RBMS3: variants seen among roughly 807,000 people sequenced by gnomAD.
The protein encoded by RBMS3 is RNA binding motif single stranded interacting protein 3, also known as RNA-binding motif, single-stranded-interacting protein 3.
Under a neutral mutation model 66.8 loss-of-function variants are expected in RBMS3, and 27 were observed. The ratio of observed to expected loss-of-function variants is 0.40; its 90% CI spans 0.30 to 0.56. The LOEUF (loss-of-function observed/expected upper bound fraction) is 0.56. RBMS3 is among the 20% of genes least tolerant of loss of function. RBMS3 has a pLI of 0.40. For synonymous variants in RBMS3, 188 were observed against 183.0 expected (o/e 1.03, Z -0.22); for missense variants, 513 against 549.5 (o/e 0.93, Z 0.66).
At chr3:29,354,474 G>A (rs1234017418) in intron 1 of RBMS3, among the ~76,000 whole-genome samples, 1 of 152,030 alleles carries the variant, frequency 6.6e-6, no homozygotes, top group African/African-American at 2.4e-5. Context: ...CCATTTGCAT[G>A]CATACATACG....
chr3:29,435,003 C>T, intron 2 of RBMS3, 88 bp downstream of exon 2: 1 of 1,297,302 alleles, frequency 7.7e-7, no homozygotes, highest in Non-Finnish European at 1.1e-6. Context: ...ATGTACTCAT[C>T]CACTGGTGTC....
intron 1 of RBMS3, among the ~76,000 whole-genome samples, chr3:29,300,616 G>A (rs2125444988): frequency 6.6e-6 from 1 of 152,004 alleles, no homozygotes; most frequent in Non-Finnish European, 1.5e-5. Flanking sequence ...GTTTGTATCT[G>A]TATTTATTTG....
intron 1 of RBMS3, among the ~76,000 whole-genome samples, chr3:29,287,684 A>C (rs995314305): frequency 6.6e-6 from 1 of 152,038 alleles, no homozygotes; most frequent in Non-Finnish European, 1.5e-5. Flanking sequence ...GTGTTTTTGA[A>C]ATAATATTTG....
intron 3 of RBMS3, among the ~76,000 whole-genome samples, chr3:29,527,181 T>TAAAAA (rs538907247): frequency 6.8e-5 from 6 of 87,820 alleles, no homozygotes; most frequent in Non-Finnish European, 8.3e-5. Flanking sequence ...TTAGGTAGAG[T>TAAAAA]AAAAAAAAAA....
intron 4 of RBMS3, chr3:29,614,326 A>G (rs1161446389): frequency 1.3e-5 from 2 of 152,130 alleles, no homozygotes; most frequent in African/African-American, 4.8e-5. Context: ...GTGGACAGGA[A>G]TTAGAAAGGC....
At chr3:29,949,385 GT>G (rs2149712502) in intron 12 of RBMS3, among the ~76,000 whole-genome samples, 1 of 151,848 alleles carries the variant, frequency 6.6e-6, no homozygotes, top group Admixed American at 6.6e-5. Context: ...CACAAGCCAC[GT>G]GCAAATAAGT....
At chr3:29,583,625 T>C (rs75412999) in intron 3 of RBMS3, among the ~76,000 whole-genome samples, 6,795 of 152,166 alleles carry the variant, frequency 0.045, 214 homozygotes, top group Middle Eastern at 0.075. Context: ...AAGGGGAGGA[T>C]CCTTGTCTGG....
intron 4 of RBMS3, among the ~76,000 whole-genome samples, chr3:29,680,175 G>A (rs1388171176): frequency 6.6e-6 from 1 of 152,032 alleles, no homozygotes; most frequent in African/African-American, 2.4e-5. Flanking sequence ...TATCAGCCAC[G>A]GTTTGCCAAG....
chr3:29,493,393 T>G (rs554033810), intron 3 of RBMS3, among the ~76,000 whole-genome samples: 1 of 152,348 alleles, frequency 6.6e-6, no homozygotes, highest in South Asian at 2.1e-4. Flanking sequence ...TCAACTGCAC[T>G]GTGCCTTCTG....
chr3:29,450,983 G>C (rs1208371949), intron 2 of RBMS3, among the ~76,000 whole-genome samples: 1 of 151,724 alleles, frequency 6.6e-6, no homozygotes, highest in African/African-American at 2.4e-5. Flanking sequence ...TTTCATATTT[G>C]GGAGCTGTAA....
chr3:29,811,514 A>G (rs1405062402), intron 6 of RBMS3, among the ~76,000 whole-genome samples: 2 of 152,208 alleles, frequency 1.3e-5, no homozygotes, highest in African/African-American at 4.8e-5. Context: ...AAAGCCACAA[A>G]AAACCCTTGC....
chr3:29,993,092 T>C (rs987781717), intron 14 of RBMS3, among the ~76,000 whole-genome samples: 1 of 150,872 alleles, frequency 6.6e-6, no homozygotes, highest in Non-Finnish European at 1.5e-5. Context: ...GTTTTACAAA[T>C]TAAATTTGCT....
At chr3:29,617,946 G>A (rs2048725024) in intron 4 of RBMS3, among the ~76,000 whole-genome samples, 1 of 152,140 alleles carries the variant, frequency 6.6e-6, no homozygotes, top group Non-Finnish European at 1.5e-5. Context: ...ATGTATGTGT[G>A]TGTGTATATA....
chr3:29,520,123 T>G (rs1403787974), intron 3 of RBMS3, among the ~76,000 whole-genome samples: 1 of 152,168 alleles, frequency 6.6e-6, no homozygotes, highest in Non-Finnish European at 1.5e-5. Context: ...ATTCTAATGA[T>G]CTAGACATAG....
At chr3:29,362,064 C>T (rs574132577) in intron 1 of RBMS3, among the ~76,000 whole-genome samples, 18 of 152,322 alleles carry the variant, frequency 1.2e-4, no homozygotes, top group South Asian at 4.1e-4. Context: ...AGTCATTCTC[C>T]GTCCAGCTTT....
intron 12 of RBMS3, among the ~76,000 whole-genome samples, chr3:29,983,470 G>A (rs1354930729): frequency 1.3e-5 from 2 of 152,074 alleles, no homozygotes; most frequent in African/African-American, 4.8e-5. Flanking sequence ...ATGCTAGCTG[G>A]TTATTTTGCC....
intron 1 of RBMS3, among the ~76,000 whole-genome samples, chr3:29,355,156 T>C (rs1278858001): frequency 1.3e-5 from 2 of 152,112 alleles, no homozygotes; most frequent in African/African-American, 4.8e-5. Flanking sequence ...AGACTGCATG[T>C]TCTATGAATA....
chr3:29,417,215 T>G (rs935393554), intron 1 of RBMS3, among the ~76,000 whole-genome samples: 5 of 152,074 alleles, frequency 3.3e-5, no homozygotes. Flanking sequence ...GAAATTTCGT[T>G]TTTATTCTAA....
chr3:29,646,866 CT>C (rs2049943397), intron 4 of RBMS3, among the ~76,000 whole-genome samples: 2 of 152,134 alleles, frequency 1.3e-5, no homozygotes, highest in Admixed American at 6.5e-5. Flanking sequence ...GTGGAGGAGT[CT>C]TTGGGGGCAA....
Sources: allele counts gnomAD v4.1 joint callset (sites outside exome capture counted in the v4.1 genomes callset), GRCh38; gene constraint gnomAD v4.1.1; transcripts MANE v1.5; gene names NCBI Gene and HGNC (gene_info 2026-07-23, HGNC 2026-07-21).